CPLX2: variants seen among roughly 807,000 people sequenced by gnomAD.
The protein encoded by CPLX2 is complexin 2.
Under a neutral mutation model 16.3 loss-of-function variants are expected in CPLX2, and 5 were observed. The ratio of observed to expected loss-of-function variants is 0.31; its 90% CI spans 0.16 to 0.64. The LOEUF is 0.64. Among genes scored for constraint, CPLX2 ranks in the 30% least tolerant of loss-of-function variants. The pLI is 0.79. For missense variants in CPLX2, 144 were observed against 181.4 expected (o/e 0.79, Z 1.18); for synonymous variants, 89 against 73.2 (o/e 1.22, Z -1.10).
chr5:175,799,396 A>C lies in CPLX2; in HGVS notation c.-169+2612A>C, dbSNP rs551395335. 2.4e-3 allele frequency among the ~76,000 whole-genome samples: 359 copies of C among 152,070 alleles called. 1 individual carries two copies. The highest frequency in any genetic ancestry group is 3.5e-3 in the Non-Finnish European group (240 of 67,994). ...CAGAACCGAGATCTTTGAACTCATA[A>C]ACTTAAGATCCCATTTTCTTCTCTA... On this transcript the variant is annotated intron_variant, in intron 1 of 4. Coordinates refer to the CPLX2 transcript ENST00000359546.
rs1012587526 is a variant in CPLX2, at chr5:175,883,292, G to T, written c.*3247G>T. The T allele has an allele frequency of 1.3e-5, 2 of 152,214 alleles. No individual in the cohort carries two copies. The highest frequency in any genetic ancestry group is 2.4e-5 in the African/African-American group (1 of 41,416). 9.4% of individuals were successfully genotyped at this position (152,214 alleles called of 1,614,324 possible). ...CAGGTCAGGATCTCCAAACATGGAC[G>T]TCCTCCCCTCCAAATCCAGAAGCTC... On this transcript the variant is annotated 3_prime_UTR_variant, in exon 4 of 4. Coordinates refer to ENST00000393745, the MANE Select transcript of CPLX2 (RefSeq NM_001008220.2).
chr5:175,875,793 G>A (rs747661869), intron 1 of CPLX2, among the ~76,000 whole-genome samples: 6 of 152,240 alleles, frequency 3.9e-5, no homozygotes, highest in Non-Finnish European at 8.8e-5. Flanking sequence ...TCCATGCTGG[G>A]ATCAGGCAGC....
At chr5:175,853,448 C>T (rs1022987726) in intron 2 of CPLX2, among the ~76,000 whole-genome samples, 26 of 152,196 alleles carry the variant, frequency 1.7e-4, no homozygotes, top group African/African-American at 6.0e-4. Context: ...GTCAGGAGCT[C>T]CAGGCCTCAG....
At chr5:175,829,892 T>A (rs538819145) in intron 2 of CPLX2, among the ~76,000 whole-genome samples, 40 of 152,192 alleles carry the variant, frequency 2.6e-4, no homozygotes, top group African/African-American at 9.2e-4. Context: ...GGATGCGGGG[T>A]AAGCTGATGA....
At chr5:175,847,867 C>T (rs560992887) in intron 2 of CPLX2, among the ~76,000 whole-genome samples, 19 of 152,308 alleles carry the variant, frequency 1.2e-4, no homozygotes, top group African/African-American at 4.3e-4. Flanking sequence ...GTCTGTCAGT[C>T]CCCCCGTGAG....
intron 2 of CPLX2, among the ~76,000 whole-genome samples, chr5:175,846,769 T>C (rs1759051526): frequency 6.6e-6 from 1 of 152,180 alleles, no homozygotes; most frequent in African/African-American, 2.4e-5. Context: ...GCTGGACTTC[T>C]GTCTTCTCTG....
rs188817237 is a variant in CPLX2, at chr5:175,878,948, G to A, written c.72G>A (p.Glu24=). 3.0e-5 allele frequency: 48 copies of A among 1,612,282 alleles called. No individual in the cohort carries two copies. In the East Asian group the frequency reaches 5.4e-4, roughly 18 times the overall value. ...TGGGGAAGATGCTGGGGGGAGAGGA[G>A]GAGAAGGACCCCGACGCGCAGAAAA... ...KDMGKMLGGE[E]EKDPDAQKKE... is the part of the protein sequence containing the mutation. The change falls in exon 3 of 4, where the codon GAG becomes GAA. Residue 24 remains glutamate (E), a synonymous_variant. Transcript: ENST00000393745.
upstream of CPLX2, among the ~76,000 whole-genome samples, chr5:175,871,345 G>A (rs893469265): frequency 7.0e-6 from 1 of 143,826 alleles, no homozygotes; most frequent in Non-Finnish European, 1.5e-5. Flanking sequence ...AGAAGGAGAC[G>A]GGAGGGAGGG....
At chr5:175,867,005 T>C (rs2113696955), upstream of CPLX2, among the ~76,000 whole-genome samples, 1 of 152,196 alleles carries the variant, frequency 6.6e-6, no homozygotes, top group Non-Finnish European at 1.5e-5. Flanking sequence ...AGCTCAGGAC[T>C]TCAGGGCTGC....
In CPLX2 at chr5:175,880,535, C is replaced by CT. The variant is rs1214745717; in HGVS notation, c.*491dup. 1 of 186,510 alleles carries CT rather than the reference C, an allele frequency of 5.4e-6. No individual in the cohort carries two copies. Among genetic ancestry groups the CT allele is most frequent in the Non-Finnish European group, 1.1e-5 (1 of 89,144 alleles). 11.6% of individuals were successfully genotyped at this position (186,510 alleles called of 1,614,324 possible). A position where few individuals can be genotyped will look rare whatever the true frequency, so the allele number is the denominator to read the frequency against. On this transcript the variant is annotated 3_prime_UTR_variant, in exon 4 of 4. Coordinates refer to ENST00000393745, the MANE Select transcript of CPLX2 (RefSeq NM_001008220.2). Reference sequence around the variant, plus strand: ...GAAGCCTGTCCCGGGAAGGCCCAGGCTGAGAGGCCCTGGCTCTGGCCAGGC... The same window carrying CT: ...GAAGCCTGTCCCGGGAAGGCCCAGGCTTGAGAGGCCCTGGCTCTGGCCAGGC...
chr5:175,831,038 A>AT (rs1327954221), intron 2 of CPLX2, among the ~76,000 whole-genome samples: 1 of 151,940 alleles, frequency 6.6e-6, no homozygotes, highest in Non-Finnish European at 1.5e-5. Context: ...TGCAGGCGTG[A>AT]CATTTAGGCA....
upstream of CPLX2, among the ~76,000 whole-genome samples, chr5:175,868,166 G>A (rs1384058593): frequency 6.6e-6 from 1 of 152,322 alleles, no homozygotes; most frequent in African/African-American, 2.4e-5. Context: ...GATCAGAGCT[G>A]GTGCCTGGCA....
rs144816571 is a variant in CPLX2 at position 175,837,302 on chromosome 5, T to C, written c.-89+28234T>C. Among the ~76,000 whole-genome samples the C allele has an allele frequency of 6.2e-3, 938 of 152,284 alleles. 7 individuals are homozygous for C. Among genetic ancestry groups the C allele is most frequent in the African/African-American group, 0.021 (873 of 41,556 alleles). On this transcript the variant is annotated intron_variant, in intron 2 of 4. Transcript: ENST00000359546. ...CCCCGCAGCAGGCAGCAGGGGCTAATTGGAAACTGGAGCCTTGAAACCTTC... is the reference window on the plus strand; with the variant it reads ...CCCCGCAGCAGGCAGCAGGGGCTAACTGGAAACTGGAGCCTTGAAACCTTC...
intron 2 of CPLX2, among the ~76,000 whole-genome samples, chr5:175,863,130 G>A (rs895698298): frequency 6.6e-6 from 1 of 152,214 alleles, no homozygotes; most frequent in Admixed American, 6.5e-5. Flanking sequence ...GCCTACCCCA[G>A]AGGGAATTTC....
At chr5:175,833,711 G>A (rs1419841697) in intron 2 of CPLX2, among the ~76,000 whole-genome samples, 3 of 152,178 alleles carry the variant, frequency 2.0e-5, no homozygotes, top group Admixed American at 1.3e-4. Context: ...GTGGGGATGG[G>A]AGGCTGGAGA....
At chr5:175,804,660 CT>C (rs1758161896) in intron 1 of CPLX2, among the ~76,000 whole-genome samples, 1 of 152,244 alleles carries the variant, frequency 6.6e-6, no homozygotes, top group Non-Finnish European at 1.5e-5. Context: ...ACGATCTCAG[CT>C]GCATCTCAGA....
chr5:175,826,566 G>A lies in CPLX2; in HGVS notation c.-89+17498G>A, dbSNP rs567940669. 2.6e-5 allele frequency among the ~76,000 whole-genome samples: 4 copies of A among 152,314 alleles called. No individual in the cohort carries two copies. The East Asian group carries it at 5.8e-4, about 22-fold the overall frequency. ...ATCAGACGGACCCTCAACTGGGCTG[G>A]AGAGATGTTTGTGGCGGGTGAATGG... On this transcript the variant is annotated intron_variant, in intron 2 of 4. Transcript: ENST00000359546.
At chr5:175,838,688 T>C (rs1758889622) in intron 2 of CPLX2, among the ~76,000 whole-genome samples, 1 of 152,128 alleles carries the variant, frequency 6.6e-6, no homozygotes, top group African/African-American at 2.4e-5. Flanking sequence ...TTCTAGTTCT[T>C]TGAAGTCCTA....
At chr5:175,853,280 A>G (rs1284739123) in intron 2 of CPLX2, among the ~76,000 whole-genome samples, 1 of 152,208 alleles carries the variant, frequency 6.6e-6, no homozygotes, top group Non-Finnish European at 1.5e-5. Context: ...CCACCAGTCA[A>G]GCCGGGGACA....
Sources: allele counts gnomAD v4.1 joint callset (sites outside exome capture counted in the v4.1 genomes callset), GRCh38; gene constraint gnomAD v4.1.1; transcripts MANE v1.5; gene names NCBI Gene and HGNC (gene_info 2026-07-23, HGNC 2026-07-21).